The following YIPF1 variants were observed in gnomAD, a reference collection of about 807,000 sequenced individuals.
The protein encoded by YIPF1 is protein YIPF1.
Under a neutral mutation model 37.0 loss-of-function variants are expected in YIPF1, and 22 were observed. The ratio of observed to expected loss-of-function variants is 0.59; its 90% CI spans 0.42 to 0.85. The LOEUF (loss-of-function observed/expected upper bound fraction) is 0.85, where lower values mean the gene tolerates loss of function less well. Ranked by LOEUF, YIPF1 falls within the 40% of genes least tolerant of loss-of-function variation. The pLI, the probability that YIPF1 is intolerant of heterozygous loss-of-function variation, is 0.00. For missense variants in YIPF1, 355 were observed against 373.1 expected (o/e 0.95, Z 0.40); for synonymous variants, 128 against 131.9 (o/e 0.97, Z 0.21).
At chr1:53,879,374 G>T (rs890665851) in intron 4 of YIPF1, among the ~76,000 whole-genome samples, 3 of 152,032 alleles carry the variant, frequency 2.0e-5, no homozygotes, top group Admixed American at 6.6e-5. Context: ...GATTACAAGC[G>T]TGAGCCACTG....
At position 53,872,942 on chromosome 1, in the gene YIPF1, A is replaced by G. The variant is rs188141109; in HGVS notation, c.365-1454T>C. ...GTGGCAAAAAAAACCAACAACAAACAAAAAACCCCACAAAGCCCCTATAGC... is the reference window on the plus strand; with the variant it reads ...GTGGCAAAAAAAACCAACAACAAACGAAAAACCCCACAAAGCCCCTATAGC... On this transcript the variant is annotated intron_variant, in intron 6 of 10. Coordinates refer to ENST00000072644, the MANE Select transcript of YIPF1 (RefSeq NM_018982.5). 3.3e-5 allele frequency among the ~76,000 whole-genome samples: 5 copies of G among 152,318 alleles called. No homozygotes were observed. In the East Asian group the frequency reaches 9.6e-4, roughly 29 times the overall value.
chr1:53,872,438 A>C (rs1457272691), intron 6 of YIPF1, among the ~76,000 whole-genome samples: 1 of 152,186 alleles, frequency 6.6e-6, no homozygotes, highest in Non-Finnish European at 1.5e-5. Flanking sequence ...GTTCTTTTTC[A>C]ATGGTTTTAA....
chr1:53,854,012 G>A (rs748729121), intron 10 of YIPF1, among the ~76,000 whole-genome samples: 3 of 152,180 alleles, frequency 2.0e-5, no homozygotes, highest in African/African-American at 7.2e-5. Flanking sequence ...CACTTTGGGA[G>A]GCTGAGGTGG....
At chr1:53,874,548 T>C (rs1650285469) in intron 6 of YIPF1, among the ~76,000 whole-genome samples, 1 of 151,932 alleles carries the variant, frequency 6.6e-6, no homozygotes, top group South Asian at 2.1e-4. Context: ...AGGCAGACCA[T>C]TTGAGGTTAG....
rs1650184998 is a variant in YIPF1 at position 53,871,308 on chromosome 1, T to C, written c.481+64A>G. 4 of 1,451,680 alleles carry C rather than the reference T, an allele frequency of 2.8e-6. No individual in the cohort carries two copies. In the Admixed American group the frequency reaches 5.1e-5, roughly 19 times the overall value. 89.9% of individuals were successfully genotyped at this position (1,451,680 alleles called of 1,614,324 possible). On this transcript the variant is annotated intron_variant, in intron 7 of 10. Transcript: ENST00000072644. ...CTAGAGATGGGGCCCAGGAGCTCAGTGGGTAAAAAGAACTCAAAGCTAGAA... is the reference window on the plus strand; with the variant it reads ...CTAGAGATGGGGCCCAGGAGCTCAGCGGGTAAAAAGAACTCAAAGCTAGAA...
At chr1:53,857,205 A>G (rs140316150) in intron 10 of YIPF1, among the ~76,000 whole-genome samples, 3 of 152,362 alleles carry the variant, frequency 2.0e-5, no homozygotes, top group African/African-American at 4.8e-5. Flanking sequence ...GTGAGACACC[A>G]GCCCTGGCCA....
intron 6 of YIPF1, among the ~76,000 whole-genome samples, chr1:53,873,041 C>A (rs145347566): frequency 6.6e-6 from 1 of 152,164 alleles, no homozygotes; most frequent in Non-Finnish European, 1.5e-5. Context: ...GGTATGACCA[C>A]AAGTGGCCAA....
At chr1:53,859,147 G>A (rs939379254) in intron 10 of YIPF1, among the ~76,000 whole-genome samples, 1 of 152,170 alleles carries the variant, frequency 6.6e-6, no homozygotes, top group African/African-American at 2.4e-5. Flanking sequence ...ACTAGGTTAT[G>A]TGGTAGGCAA....
At chr1:53,867,367 CTTTTTTT>C (rs57424528) in intron 7 of YIPF1, among the ~76,000 whole-genome samples, 1 of 111,582 alleles carries the variant, frequency 9.0e-6, no homozygotes, top group Non-Finnish European at 1.8e-5. Flanking sequence ...CACTGACTTC[CTTTTTTT>C]TTTTTTTTTT....
intron 5 of YIPF1, 109 bp from the exon 6 acceptor site, chr1:53,878,511 A>G (rs905517842): frequency 4.1e-5 from 60 of 1,464,620 alleles, no homozygotes; most frequent in African/African-American, 1.3e-4. Flanking sequence ...GTATTTTCAA[A>G]TGCTAATAAC....
In YIPF1 at chr1:53,871,401, G is replaced by A. The variant is rs144399176; in HGVS notation, c.452C>T (p.Thr151Met). ...TCGGAATTCGGGCACATAATGGTAC[G>A]TCTTCTCTCCCAGATGGATCAAGAA... ...SNFLIHLGEKTYHYVPEFRKV... is the reference protein window; with the variant it reads ...SNFLIHLGEKMYHYVPEFRKV... The change falls in exon 7 of 11, where the codon ACG becomes ATG. Residue 151 changes from threonine (T) to methionine (M), a missense_variant. Physicochemically the swap from Thr to Met is moderately conservative, Grantham distance 81 (BLOSUM62 -1). Coordinates refer to ENST00000072644, the MANE Select transcript of YIPF1 (RefSeq NM_018982.5). 7.5e-5 allele frequency: 121 copies of A among 1,613,708 alleles called. No individual in the cohort carries two copies. In the African/African-American group the frequency reaches 9.6e-4, roughly 13 times the overall value.
intron 10 of YIPF1, 137 bp downstream of exon 10, chr1:53,859,919 A>G: frequency 2.6e-6 from 2 of 755,334 alleles, no homozygotes; most frequent in South Asian, 1.8e-5. Flanking sequence ...AGACATGCAC[A>G]TGCACAAACC....
chr1:53,866,782 G>GAT lies in YIPF1; in HGVS notation c.623_624insAT (p.Leu209SerfsTer23), dbSNP rs1462910391. On this transcript the variant is annotated frameshift_variant, in exon 8 of 11. Coordinates refer to ENST00000072644, the MANE Select transcript of YIPF1 (RefSeq NM_018982.5). LOFTEE classifies it high-confidence loss of function. ...CTGCGGTGGGGATATAAATGAAGAG[G>GAT]GAATATCCATAGACACACACAATCT... The GAT allele has an allele frequency of 6.2e-7, 1 of 1,613,824 alleles. No individual in the cohort carries two copies.
chr1:53,866,780 AGGG>A lies in YIPF1; in HGVS notation c.623_625del (p.Ser208_Leu209delinsPhe). 1 of 1,613,886 alleles carries A rather than the reference AGGG, an allele frequency of 6.2e-7. No homozygotes were observed. Among genetic ancestry groups the A allele is most frequent in the Non-Finnish European group, 8.5e-7 (1 of 1,179,856 alleles). ...TACTGCGGTGGGGATATAAATGAAGAGGGAATATCCATAGACACACACAATCTC... is the reference window on the plus strand; with the variant it reads ...TACTGCGGTGGGGATATAAATGAAGAAATATCCATAGACACACACAATCTC... On this transcript the variant is annotated inframe_deletion, in exon 8 of 11. Coordinates refer to ENST00000072644, the MANE Select transcript of YIPF1 (RefSeq NM_018982.5).
rs2100742455 is a variant in YIPF1, at chr1:53,883,201, G to A, written c.107C>T (p.Thr36Ile). Residue 36 changes from threonine to isoleucine, a missense_variant, in exon 4 of 11, where the codon ACC becomes ATC. Thr to Ile is a moderately conservative substitution (Grantham distance 89). Transcript: ENST00000072644. ...TTVNIEDPGETPKHQPGSPRG... is the reference protein window; with the variant it reads ...TTVNIEDPGEIPKHQPGSPRG... The stretch of plus-strand genomic sequence containing the variant: ...TGGGGATCCTGGCTGATGTTTTGGG[G>A]TTTCACCAGGATCCTCAATGTTTAC... 1.3e-6 allele frequency: 2 copies of A among 1,599,246 alleles called. No homozygotes were observed. The highest frequency in any genetic ancestry group is 2.3e-5 in the East Asian group (1 of 43,358).
intron 2 of YIPF1, 120 bp downstream of exon 2, chr1:53,889,124 A>AT (rs1650734941): frequency 8.3e-6 from 4 of 480,906 alleles, no homozygotes; most frequent in Non-Finnish European, 1.5e-5. Flanking sequence ...AAAGATAACC[A>AT]CTAAGCATCA....
rs754076123 is a variant in YIPF1, at chr1:53,888,894, C to T, written c.31+13G>A. On this transcript the variant is annotated intron_variant, in intron 3 of 10. Transcript: ENST00000072644. ...TGATCATAAATATAAAGGTGGGCAC[C>T]CAACTGGTATACCTTCAAATTGCAA... 1.9e-6 allele frequency: 3 copies of T among 1,579,830 alleles called. No homozygotes were observed. Among genetic ancestry groups the T allele is most frequent in the Non-Finnish European group, 2.6e-6 (3 of 1,152,946 alleles).
intron 10 of YIPF1, among the ~76,000 whole-genome samples, chr1:53,856,312 G>T (rs1239681473): frequency 6.6e-6 from 1 of 152,200 alleles, no homozygotes; most frequent in Non-Finnish European, 1.5e-5. Flanking sequence ...CTCTCTGAAG[G>T]CCTTTACAAC....
intron 6 of YIPF1, among the ~76,000 whole-genome samples, chr1:53,872,267 C>T (rs969784995): frequency 6.6e-6 from 1 of 152,064 alleles, no homozygotes; most frequent in Non-Finnish European, 1.5e-5. Context: ...TCTGATGAAA[C>T]CTGCTAGGAA....
Sources: gnomAD v4.1 joint callset for allele counts (sites outside exome capture counted in the v4.1 genomes callset) on GRCh38, gnomAD v4.1.1 for gene constraint, MANE v1.5 for transcripts, NCBI Gene and HGNC (gene_info 2026-07-23, HGNC 2026-07-21) for gene names.